H2AL3: variants seen among roughly 807,000 people sequenced by gnomAD.
H2AL3 encodes the protein histone H2A-like 3.
rs183598562 is a variant in H2AL3, at chrX:37,994,611, G to A, written c.268G>A (p.Asp90Asn). 140 of 112,259 alleles carry A rather than the reference G, an allele frequency of 1.2e-3. 1 individual carries two copies. The highest frequency in any genetic ancestry group is 4.0e-3 in the African/African-American group (122 of 30,563). The allele number at this position is 112,259 out of a possible 1,213,427, so 9.3% of individuals were successfully genotyped here. Residue 90 changes from aspartate to asparagine, a missense_variant, in exon 1 of 1, where the codon GAT becomes AAT. Transcript: ENST00000448797. Reference sequence around the variant, plus strand: ...ACACGTGAAGAGGGCACTGCAAAAGGATGAGCAGCTCAGATGGATCTTGGA... The same window carrying A: ...ACACGTGAAGAGGGCACTGCAAAAGAATGAGCAGCTCAGATGGATCTTGGA...
At chrX:37,994,419 C>T (rs971048221) in exon 1 of H2AL3, 2 of 115,765 alleles carry the variant, frequency 1.7e-5, no homozygotes, top group African/African-American at 6.5e-5. Context: ...GCTGCAGTTT[C>T]CTGTCAGCCA....
exon 1 of H2AL3, chrX:37,994,371 C>A (rs1933656919): frequency 8.9e-6 from 1 of 112,770 alleles, no homozygotes; most frequent in African/African-American, 3.2e-5. Context: ...GTTCTGTAGG[C>A]CTAGGAGACA....
At chrX:37,994,789 G>C (rs1207611652) in exon 1 of H2AL3, 5 of 110,351 alleles carry the variant, frequency 4.5e-5, no homozygotes, top group Non-Finnish European at 9.5e-5. Context: ...AAGGATTCCT[G>C]AGTTTCGGAG....
At chrX:37,994,687 A>G in exon 1 of H2AL3, 1 of 100,817 alleles carries the variant, frequency 9.9e-6, no homozygotes, top group Non-Finnish European at 2.1e-5. Context: ...CAATCTGAGG[A>G]GGAAGAGGAG....
chrX:37,994,691 A>AGAGGAGGAGGAG (rs34355008), exon 1 of H2AL3: 1 of 108,119 alleles, frequency 9.2e-6, no homozygotes, highest in Admixed American at 1.0e-4. Flanking sequence ...CTGAGGAGGA[A>AGAGGAGGAGGAG]GAGGAGGAGG....
At chrX:37,994,460 T>G in exon 1 of H2AL3, 2 of 150,476 alleles carry the variant, frequency 1.3e-5, no homozygotes, top group Non-Finnish European at 2.3e-5. Context: ...AAAGTCAGCA[T>G]GCCCGGCACC....
In H2AL3 at chrX:37,994,588, AC is replaced by A. The variant is rs1423042666; in HGVS notation, c.246del (p.His82GlnfsTer2). The A allele has an allele frequency of 8.7e-6, 1 of 115,164 alleles. No individual in the cohort carries two copies. Among genetic ancestry groups the A allele is most frequent in the Non-Finnish European group, 1.8e-5 (1 of 56,617 alleles). 9.5% of individuals were successfully genotyped at this position (115,164 alleles called of 1,213,427 possible). The stretch of plus-strand genomic sequence containing the variant: ...TGCAGGCTGTGCATCACCCCAGAAC[AC>A]GTGAAGAGGGCACTGCAAAAGGATG... On this transcript the variant is annotated frameshift_variant, in exon 1 of 1. Transcript: ENST00000448797. LOFTEE classifies it low-confidence loss of function (END_TRUNC).
exon 1 of H2AL3, chrX:37,994,698 GAGGAGGAGGAGA>G (rs989446235): frequency 9.0e-6 from 1 of 110,537 alleles, no homozygotes; most frequent in East Asian, 2.8e-4. Context: ...GGAAGAGGAG[GAGGAGGAGGAGA>G]AGGAGGAGGA....
At chrX:37,994,676 C>T (rs1933665149) in exon 1 of H2AL3, 1 of 104,927 alleles carries the variant, frequency 9.5e-6, no homozygotes. Flanking sequence ...AAGAAATGCC[C>T]CAATCTGAGG....
At chrX:37,994,312 G>C (rs1300073200) in exon 1 of H2AL3, 1 of 112,523 alleles carries the variant, frequency 8.9e-6, no homozygotes, top group Non-Finnish European at 1.9e-5. Flanking sequence ...AAATCAAGCT[G>C]TGCCAATTGG....
exon 1 of H2AL3, chrX:37,994,760 G>A (rs1390292979): frequency 9.1e-6 from 1 of 110,273 alleles, no homozygotes; most frequent in Non-Finnish European, 1.9e-5. Context: ...GGAGGAGGAG[G>A]AGGAGAAGAA....
At chrX:37,994,688 G>T in exon 1 of H2AL3, 1 of 101,284 alleles carries the variant, frequency 9.9e-6, no homozygotes. Flanking sequence ...AATCTGAGGA[G>T]GAAGAGGAGG....
At chrX:37,994,508 C>A (rs4827083) in exon 1 of H2AL3, 20,482 of 184,176 alleles carry the variant, frequency 0.11, 1,600 homozygotes, top group Admixed American at 0.14. Flanking sequence ...CTGGTGTTCT[C>A]GAGTATCTGA....
At chrX:37,994,746 G>GGAAGGAGGAGGAGGAGGAGAA (rs1181014549) in exon 1 of H2AL3, 1 of 109,990 alleles carries the variant, frequency 9.1e-6, no homozygotes, top group African/African-American at 3.3e-5. Flanking sequence ...GGTGATGGGG[G>GGAAGGAGGAGGAGGAGGAGAA]GAAGGAGGAG....
exon 1 of H2AL3, chrX:37,994,860 C>G (rs1472452129): frequency 9.0e-6 from 1 of 110,905 alleles, no homozygotes; most frequent in Admixed American, 9.6e-5. Flanking sequence ...ATGAAAGACC[C>G]CAGGTTGCTT....
exon 1 of H2AL3, chrX:37,994,349 T>A (rs772306206): frequency 1.3e-4 from 15 of 112,788 alleles, no homozygotes; most frequent in Non-Finnish European, 2.8e-4. Context: ...TCCTCATGGC[T>A]GGAAACAAAA....
exon 1 of H2AL3, chrX:37,994,297 C>G (rs1933654214): frequency 8.9e-6 from 1 of 112,434 alleles, no homozygotes; most frequent in Admixed American, 9.4e-5. Context: ...CTCAGGCCAG[C>G]AGGAAAATCA....
chrX:37,994,748 AAGG>A (rs1369490869), exon 1 of H2AL3: 12 of 106,222 alleles, frequency 1.1e-4, no homozygotes, highest in East Asian at 6.0e-4. Context: ...TGATGGGGGG[AAGG>A]AGGAGGAGGA....
At chrX:37,994,597 G>A (rs1933662552) in exon 1 of H2AL3, 1 of 113,634 alleles carries the variant, frequency 8.8e-6, no homozygotes, top group Non-Finnish European at 1.8e-5. Flanking sequence ...CACGTGAAGA[G>A]GGCACTGCAA....
Sources: gnomAD v4.1 joint callset for allele counts on GRCh38, gnomAD v4.1.1 for gene constraint, MANE v1.5 for transcripts, NCBI Gene and HGNC (gene_info 2026-07-23, HGNC 2026-07-21) for gene names.